The following PLEC variants were observed in gnomAD, a reference collection of about 807,000 sequenced individuals.
The protein encoded by PLEC is plectin.
PLEC carries 216 observed loss-of-function variants against 392.8 expected under a neutral mutation model. That is an observed-to-expected ratio of 0.55 (90% CI 0.49 to 0.62). PLEC has a LOEUF of 0.62. PLEC is among the 20% of genes least tolerant of loss of function. PLEC has a pLI of 0.00. For missense variants in PLEC, 6,863 were observed against 6,563.4 expected (o/e 1.05, Z -1.58); for synonymous variants, 3,621 against 2,980.6 (o/e 1.21, Z -7.00).
chr8:143,927,792 C>A (rs140300753), intron 26 of PLEC, 26 bp from the exon 27 acceptor site: 2 of 1,590,084 alleles, frequency 1.3e-6, no homozygotes, highest in East Asian at 2.3e-5. Context: ...GGGACATGTG[C>A]GGCTTCAGCT....
Position 143,929,726 on chromosome 8 carries a change from G to T in PLEC, c.2843C>A (p.Pro948His). 1.3e-6 allele frequency: 2 copies of T among 1,599,860 alleles called. No individual in the cohort carries two copies. The highest frequency in any genetic ancestry group is 8.5e-7 in the Non-Finnish European group (1 of 1,179,242). The change falls in exon 23 of 32, where the codon CCC becomes CAC. Residue 948 changes from proline to histidine, a missense_variant. Transcript: ENST00000345136. ...GCGCTCAGCCATCAGCCGGTCCTCG[G>T]GTCCGAAGCCGCCCGCGTCCTGGCT... ...RDSQDAGGFG[P>H]EDRLMAEREY...
chr8:143,920,240 T>A lies in PLEC; in HGVS notation c.9581A>T (p.Glu3194Val). The A allele has an allele frequency of 6.2e-7, 1 of 1,602,110 alleles. No homozygotes were observed. The highest frequency in any genetic ancestry group is 8.5e-7 in the Non-Finnish European group (1 of 1,178,612). The change falls in exon 32 of 32, where the codon GAG becomes GTG. Residue 3194 changes from glutamate to valine, a missense_variant. Glu to Val is a moderately radical substitution (Grantham distance 121). Coordinates refer to ENST00000345136, the MANE Select transcript of PLEC (RefSeq NM_201384.3). ...GTCGGGCCGGCACCGCTGCTGGAGC[T>A]CGCCGTAGGTGGCCGGCTCCCCTGT... ...PSTGEPATYG[E>V]LQQRCRPDQL...
Position 143,917,069 on chromosome 8 carries a change from C to T in PLEC, c.12752G>A (p.Gly4251Glu). Residue 4251 changes from glycine to glutamate, a missense_variant, in exon 32 of 32, where the codon GGA (glycine) becomes GAA (glutamate). By Grantham distance (98) the Gly-to-Glu change is moderately conservative (BLOSUM62 -2). Coordinates refer to ENST00000345136, the MANE Select transcript of PLEC (RefSeq NM_201384.3). ...GCTGATGGGGTAGGAGGAGGAGGAT[C>T]CCACCGAGGAGGAACGGGAGCGGAA... ...GGFRSRSSSVGSSSSYPISPA... is the reference protein window; with the variant it reads ...GGFRSRSSSVESSSSYPISPA... 6.2e-7 allele frequency: 1 copy of T among 1,607,298 alleles called. No homozygotes were observed. The highest frequency in any genetic ancestry group is 8.5e-7 in the Non-Finnish European group (1 of 1,175,226).
Position 143,921,124 on chromosome 8 carries a change from G to A in PLEC, c.8697C>T (p.Ser2899=), listed in dbSNP as rs200383203. 1,164 of 1,612,874 alleles carry A rather than the reference G, an allele frequency of 7.2e-4. 1 individual carries two copies. Among genetic ancestry groups the A allele is most frequent in the East Asian group, 1.8e-3 (82 of 44,884 alleles). The part of the protein sequence containing the change: ...AKGGELVYTD[S]EARDVFEKAT... ...CCTTCTCAAAGACGTCCCGGGCCTC[G>A]GAGTCAGTGTAGACCAGCTCCCCGC... Residue 2899 remains serine (S), a synonymous_variant, in exon 32 of 32, where the codon TCC becomes TCT. Coordinates refer to ENST00000345136, the MANE Select transcript of PLEC (RefSeq NM_201384.3).
In PLEC at chr8:143,919,584, C is replaced by T. The variant is rs1821826541; in HGVS notation, c.10237G>A (p.Val3413Met). Reference sequence around the variant, plus strand: ...TCGGGGCCCACCACGCCCGCCTTCACGGCCTCGTGGACATACAGGCGCTGG... The same window carrying T: ...TCGGGGCCCACCACGCCCGCCTTCATGGCCTCGTGGACATACAGGCGCTGG... Reference protein sequence around the residue: ...RNQRLYVHEAVKAGVVGPELH... With the variant: ...RNQRLYVHEAMKAGVVGPELH... Residue 3413 changes from valine (V) to methionine (M), a missense_variant, in exon 32 of 32, where the codon GTG becomes ATG. Physicochemically the swap from Val to Met is conservative, Grantham distance 21. Transcript: ENST00000345136. 12 of 1,600,208 alleles carry T rather than the reference C, an allele frequency of 7.5e-6. No homozygotes were observed. Among genetic ancestry groups the T allele is most frequent in the Non-Finnish European group, 9.4e-6 (11 of 1,175,172 alleles).
In PLEC at chr8:143,924,906, G is replaced by A. The variant is rs567331060; in HGVS notation, c.5023C>T (p.Arg1675Trp). Residue 1675 changes from arginine to tryptophan, a missense_variant, in exon 31 of 32, where the codon CGG (arginine) becomes TGG (tryptophan). Transcript: ENST00000345136. ...GCCTGCTCCTCCGCCTTGCCGCGCC[G>A]CCGCGCCTCGCGCTCCGCCTCCTCC... ...QKEEAEREAR[R>W]RGKAEEQAVR... 94 of 1,585,982 alleles carry A rather than the reference G, an allele frequency of 5.9e-5. No homozygotes were observed. The highest frequency in any genetic ancestry group is 1.2e-4 in the South Asian group (11 of 89,168).
upstream of PLEC, among the ~76,000 whole-genome samples, chr8:143,951,163 T>G (rs1356613988): frequency 5.3e-5 from 8 of 150,044 alleles, no homozygotes; most frequent in Non-Finnish European, 8.9e-5. Flanking sequence ...CTGGGGCAAG[T>G]GGGGGCGGAT....
Position 143,920,988 on chromosome 8 carries a change from A to C in PLEC, c.8833T>G (p.Phe2945Val). The change falls in exon 32 of 32, where the codon TTC becomes GTC. Residue 2945 changes from phenylalanine (F) to valine (V), a missense_variant. Transcript: ENST00000345136. The stretch of plus-strand genomic sequence containing the variant: ...TCCACTGTGATCCGGCCCGTGCGGA[A>C]CTGCCGCAGCAGGTCCCGCCGCTGC... ...AEQRRDLLRQ[F>V]RTGRITVEKI... The C allele has an allele frequency of 6.2e-7, 1 of 1,613,120 alleles. No individual in the cohort carries two copies. The highest frequency in any genetic ancestry group is 8.5e-7 in the Non-Finnish European group (1 of 1,180,024).
At chr8:143,976,022 C>T (rs1833648894), upstream of PLEC, among the ~76,000 whole-genome samples, 1 of 152,212 alleles carries the variant, frequency 6.6e-6, no homozygotes, top group Non-Finnish European at 1.5e-5. Context: ...GCTCTCTCGA[C>T]CTCTAGGACT....
rs369704929 is a variant in PLEC, at chr8:143,939,003, C to CT, written c.113-312_113-311insA. Reference sequence around the variant, plus strand: ...ACAAGTCCCGTCCTGCAGTCCCCCCCGGCCTCTACAGACTGAGACCCAAGC... The same window carrying CT: ...ACAAGTCCCGTCCTGCAGTCCCCCCCTGGCCTCTACAGACTGAGACCCAAGC... On this transcript the variant is annotated intron_variant, in intron 1 of 31. Transcript: ENST00000345136. 1.1e-3 allele frequency among the ~76,000 whole-genome samples: 162 copies of CT among 152,226 alleles called. 5 individuals are homozygous for CT. In the South Asian group the frequency reaches 0.033, roughly 31 times the overall value.
In PLEC at chr8:143,931,657, G is replaced by A. The variant is rs868978842; in HGVS notation, c.2181C>T (p.Phe727=). ...CCTCGGCCTCCCGCACATCTGAGAA[G>A]AACTGGGGCAGCGGGAGGGGGTCAC... ...HLKENAAYFQ[F]FSDVREAEGQ... Residue 727 remains phenylalanine, a splice_region_variant and synonymous_variant, in exon 19 of 32, where the codon TTC becomes TTT. Transcript: ENST00000345136. The A allele has an allele frequency of 6.3e-7, 1 of 1,599,834 alleles. No homozygotes were observed. The highest frequency in any genetic ancestry group is 8.5e-7 in the Non-Finnish European group (1 of 1,173,864).
intron 30 of PLEC, 65 bp downstream of exon 30, chr8:143,926,719 G>A: frequency 3.0e-6 from 4 of 1,330,784 alleles, no homozygotes; most frequent in East Asian, 2.3e-5. Context: ...TCCTGTGGCT[G>A]TGTGTGGGAC....
Position 143,929,550 on chromosome 8 carries a change from C to T in PLEC, c.2945G>A (p.Cys982Tyr). The change falls in exon 24 of 32, where the codon TGC (cysteine) becomes TAC (tyrosine). Residue 982 changes from cysteine (C) to tyrosine (Y), a missense_variant. Transcript: ENST00000345136. ...LEQGAQEESRCQRCISELKDI... is the reference protein window; with the variant it reads ...LEQGAQEESRYQRCISELKDI... ...TTTGAGCTCGGAGATGCAGCGCTGGCAGCGAGACTCTTCCTGTGCACCTGG... is the reference window on the plus strand; with the variant it reads ...TTTGAGCTCGGAGATGCAGCGCTGGTAGCGAGACTCTTCCTGTGCACCTGG... 6.2e-7 allele frequency: 1 copy of T among 1,612,602 alleles called. No individual in the cohort carries two copies. Among genetic ancestry groups the T allele is most frequent in the Non-Finnish European group, 8.5e-7 (1 of 1,179,912 alleles).
chr8:143,932,102 AG>A (rs1289427579), intron 17 of PLEC, 27 bp downstream of exon 17: 2 of 1,547,912 alleles, frequency 1.3e-6, no homozygotes, highest in Non-Finnish European at 1.8e-6. Flanking sequence ...CCCCCCCCGC[AG>A]CCCCGCCCCT....
intron 30 of PLEC, 141 bp downstream of exon 30, chr8:143,926,643 G>A: frequency 1.3e-6 from 1 of 782,306 alleles, no homozygotes; most frequent in Non-Finnish European, 2.3e-6. Context: ...CTGAGCTGGG[G>A]GCAGGGGGTG....
At chr8:143,968,132 C>T (rs1171363116) in intron 1 of PLEC, among the ~76,000 whole-genome samples, 3 of 145,334 alleles carry the variant, frequency 2.1e-5, no homozygotes, top group Admixed American at 6.8e-5. Context: ...AGCGAGACTT[C>T]GTCTCAAAAA....
At chr8:143,960,565 T>C (rs1554740567) in intron 1 of PLEC, among the ~76,000 whole-genome samples, 2 of 151,612 alleles carry the variant, frequency 1.3e-5, no homozygotes, top group Admixed American at 1.3e-4. Context: ...TGCAGTGAGC[T>C]GAGACTGCAT....
chr8:143,934,069 C>G lies in PLEC; in HGVS notation c.1192G>C (p.Val398Leu), dbSNP rs1001857933. ...FERLECLQRI[V>L]TKLQMEAGLC... ...CCCGCCTCCATCTGCAGCTTGGTCA[C>G]GATGCGCTGAAGACACTCCAGCCTG... Residue 398 changes from valine to leucine, a missense_variant, in exon 12 of 32, where the codon GTG becomes CTG. Coordinates refer to ENST00000345136, the MANE Select transcript of PLEC (RefSeq NM_201384.3). 7 of 1,611,790 alleles carry G rather than the reference C, an allele frequency of 4.3e-6. No individual in the cohort carries two copies. The highest frequency in any genetic ancestry group is 1.1e-5 in the South Asian group (1 of 90,948).
Position 143,918,603 on chromosome 8 carries a change from C to T in PLEC, c.11218G>A (p.Glu3740Lys). The T allele has an allele frequency of 6.2e-7, 1 of 1,612,630 alleles. No individual in the cohort carries two copies. Among genetic ancestry groups the T allele is most frequent in the Non-Finnish European group, 8.5e-7 (1 of 1,179,976 alleles). ...TGFLLDPVKG[E>K]RLTVDEAVRK... ...ACAGCCTCATCCACAGTCAGCCGCT[C>T]CCCCTTCACCGGGTCCAGCAGGAAG... The change falls in exon 32 of 32, where the codon GAG (glutamate) becomes AAG (lysine). Residue 3740 changes from glutamate to lysine, a missense_variant. Coordinates refer to ENST00000345136, the MANE Select transcript of PLEC (RefSeq NM_201384.3).
Sources: gnomAD v4.1 joint callset for allele counts (sites outside exome capture counted in the v4.1 genomes callset) on GRCh38, gnomAD v4.1.1 for gene constraint, MANE v1.5 for transcripts, NCBI Gene and HGNC (gene_info 2026-07-23, HGNC 2026-07-21) for gene names.